Variants in PSD3 observed in about 807,000 individuals in gnomAD.
PSD3 encodes the protein PH and SEC7 domain-containing protein 3.
In PSD3, 49 loss-of-function variants were observed where a neutral mutation model predicts 105.5. The observed-to-expected ratio is 0.46, with a 90% CI of 0.37 to 0.59. The LOEUF (loss-of-function observed/expected upper bound fraction) is 0.59, where lower values mean the gene tolerates loss of function less well. Ranked by LOEUF, PSD3 falls within the 20% of genes least tolerant of loss-of-function variation. PSD3 has a pLI of 0.00. For missense variants in PSD3, 1,561 were observed against 1,263.8 expected (o/e 1.24, Z -3.57); for synonymous variants, 557 against 457.8 (o/e 1.22, Z -2.77).
At chr8:18,678,726 C>T (rs1342779808) in intron 9 of PSD3, among the ~76,000 whole-genome samples, 5 of 152,046 alleles carry the variant, frequency 3.3e-5, no homozygotes, top group African/African-American at 7.2e-5. Context: ...GCAGGGGAAT[C>T]GCTCGAATCT....
At chr8:18,708,159 C>T (rs919177088) in intron 9 of PSD3, among the ~76,000 whole-genome samples, 3 of 152,200 alleles carry the variant, frequency 2.0e-5, no homozygotes, top group Non-Finnish European at 4.4e-5. Context: ...TTTAATGGGG[C>T]TCACTTTAAA....
intron 14 of PSD3, among the ~76,000 whole-genome samples, chr8:18,571,209 T>C (rs534038324): frequency 1.3e-5 from 2 of 152,120 alleles, no homozygotes; most frequent in Non-Finnish European, 2.9e-5. Context: ...GCATCCAAAA[T>C]CCTACACACG....
intron 4 of PSD3, 78 bp downstream of exon 4, chr8:18,867,596 T>C (rs1817030810): frequency 6.7e-7 from 1 of 1,489,102 alleles, no homozygotes; most frequent in Non-Finnish European, 9.0e-7. Context: ...TTTAAATATA[T>C]ATTCCACACT....
chr8:18,674,896 G>C (rs1467252823), intron 9 of PSD3, among the ~76,000 whole-genome samples: 1 of 152,014 alleles, frequency 6.6e-6, no homozygotes, highest in African/African-American at 2.4e-5. Context: ...AGTTACTCAG[G>C]AAGTGGAGGC....
chr8:18,692,794 A>ATTTAC, intron 9 of PSD3, among the ~76,000 whole-genome samples: 2 of 152,290 alleles, frequency 1.3e-5, no homozygotes, highest in East Asian at 3.9e-4. Context: ...AAGGGCAGTA[A>ATTTAC]ACCAAACTGC....
intron 8 of PSD3, among the ~76,000 whole-genome samples, chr8:18,798,133 C>T (rs928424650): frequency 1.3e-5 from 2 of 152,160 alleles, no homozygotes; most frequent in Non-Finnish European, 2.9e-5. Context: ...TCAAGATTCA[C>T]ACTGTGAAAT....
At chr8:18,641,193 G>C (rs766271526) in intron 10 of PSD3, among the ~76,000 whole-genome samples, 3 of 152,144 alleles carry the variant, frequency 2.0e-5, no homozygotes, top group Non-Finnish European at 4.4e-5. Flanking sequence ...TCATTACCAT[G>C]ATCCCTGTAA....
intron 1 of PSD3, among the ~76,000 whole-genome samples, chr8:19,081,462 C>A (rs975022545): frequency 6.6e-6 from 1 of 152,178 alleles, no homozygotes; most frequent in Non-Finnish European, 1.5e-5. Flanking sequence ...GAGGGCTGGG[C>A]CCAAGCTGCT....
intron 12 of PSD3, among the ~76,000 whole-genome samples, chr8:18,589,649 G>A (rs1050390875): frequency 3.3e-5 from 5 of 152,188 alleles, no homozygotes; most frequent in Non-Finnish European, 5.9e-5. Context: ...TGAAAGATAT[G>A]GGTTTCCAGT....
At chr8:19,006,397 T>G (rs181830388) in intron 1 of PSD3, among the ~76,000 whole-genome samples, 1 of 151,726 alleles carries the variant, frequency 6.6e-6, no homozygotes, top group Non-Finnish European at 1.5e-5. Context: ...TAATAAATAC[T>G]AAATAGATGT....
In PSD3 at chr8:18,594,250, ATTATATAATATATATTATTATATATATT is replaced by A. The variant is rs1563358697; in HGVS notation, c.2481+6086_2481+6113del. Among the ~76,000 whole-genome samples the A allele has an allele frequency of 1.2e-3, 23 of 18,620 alleles. 7 individuals carry two copies. Among genetic ancestry groups the A allele is most frequent in the African/African-American group, 4.5e-3 (23 of 5,058 alleles). The allele number at this position is 18,620 out of a possible 152,430, so 12.2% of individuals were successfully genotyped here. The stretch of plus-strand genomic sequence containing the variant: ...TTATATAATATATATTATTATATAT[ATTATATAATATATATTATTATATATATT>A]ATATAATATATATTATATATAATAA... On this transcript the variant is annotated intron_variant, in intron 12 of 15. Coordinates refer to ENST00000327040, the MANE Select transcript of PSD3 (RefSeq NM_015310.4).
At chr8:19,014,940 G>GA (rs2129475615), upstream of PSD3, among the ~76,000 whole-genome samples, 1 of 152,304 alleles carries the variant, frequency 6.6e-6, no homozygotes, top group East Asian at 1.9e-4. The surrounding 1 kb of genome is among the most constrained non-coding windows in gnomAD (Gnocchi z 4.9). Context: ...TCCAACTTCA[G>GA]AAAAACGTCC....
At chr8:18,538,670 A>G (rs1309774725) in intron 15 of PSD3, among the ~76,000 whole-genome samples, 9 of 152,238 alleles carry the variant, frequency 5.9e-5, no homozygotes, top group Admixed American at 5.2e-4. Context: ...GAAAGGGGAC[A>G]AAAGGAGAAA....
intron 2 of PSD3, among the ~76,000 whole-genome samples, chr8:18,929,004 T>C (rs1821565655): frequency 6.6e-6 from 1 of 152,068 alleles, no homozygotes; most frequent in Non-Finnish European, 1.5e-5. Context: ...ATGATGAAAA[T>C]GTTCTAAAGT....
rs547607205 is a variant in PSD3 at position 18,696,265 on chromosome 8, G to T, written c.2173-40580C>A. Reference sequence around the variant, plus strand: ...CTCCTCCTCACCTCCATACGACTCAGTCTGTTCCCCAGGGAATTTCATACA... The same window carrying T: ...CTCCTCCTCACCTCCATACGACTCATTCTGTTCCCCAGGGAATTTCATACA... On this transcript the variant is annotated intron_variant, in intron 9 of 15. Transcript: ENST00000327040. Among the ~76,000 whole-genome samples, 12 of 152,284 alleles carry T rather than the reference G, an allele frequency of 7.9e-5. 1 individual carries two copies. In the South Asian group the frequency reaches 2.5e-3, roughly 32 times the overall value.
intron 8 of PSD3, chr8:18,786,899 T>C (rs1037006946): frequency 6.6e-6 from 1 of 152,236 alleles, no homozygotes; most frequent in Non-Finnish European, 1.5e-5. Flanking sequence ...TGCTGCTTAC[T>C]GGCACATATT....
intron 1 of PSD3, among the ~76,000 whole-genome samples, chr8:19,060,547 T>A (rs1485197393): frequency 6.6e-6 from 1 of 152,136 alleles, no homozygotes; most frequent in Non-Finnish European, 1.5e-5. Flanking sequence ...GACAGGAGGA[T>A]TGCTTGAGCC....
chr8:18,811,354 C>T (rs1190006414), intron 4 of PSD3, among the ~76,000 whole-genome samples: 4 of 152,272 alleles, frequency 2.6e-5, no homozygotes, highest in African/African-American at 9.6e-5. Context: ...TTCAATGATT[C>T]AATGAATACG....
At chr8:18,786,569 C>A (rs574594591) in intron 8 of PSD3, among the ~76,000 whole-genome samples, 3 of 152,220 alleles carry the variant, frequency 2.0e-5, no homozygotes, top group African/African-American at 7.2e-5. Flanking sequence ...TTTGAAACAG[C>A]CATTAGGAAA....
Sources: gnomAD v4.1 joint callset for allele counts (sites outside exome capture counted in the v4.1 genomes callset) on GRCh38, gnomAD v4.1.1 for gene constraint, Gnocchi (gnomAD v3.1) non-coding constraint, MANE v1.5 for transcripts, NCBI Gene and HGNC (gene_info 2026-07-23, HGNC 2026-07-21) for gene names.